Variants in FAM227B observed in about 807,000 individuals in gnomAD.
FAM227B encodes the protein family with sequence similarity 227 member B, also known as protein FAM227B.
FAM227B carries 88 observed loss-of-function variants against 73.8 expected under a neutral mutation model. The observed-to-expected ratio is 1.19, with a 90% CI of 1.00 to 1.42. The LOEUF is 1.42. FAM227B is among the 40% of genes most tolerant of loss of function. The pLI, the probability that FAM227B is intolerant of heterozygous loss-of-function variation, is 0.00. For missense variants in FAM227B, 632 were observed against 590.9 expected, an observed-to-expected ratio of 1.07 and a Z score of -0.72; for synonymous variants, 210 against 190.5, an observed-to-expected ratio of 1.10 and a Z score of -0.84.
intron 11 of FAM227B, among the ~76,000 whole-genome samples, chr15:49,371,727 A>G (rs181962658): frequency 6.7e-6 from 1 of 150,152 alleles, no homozygotes; most frequent in Non-Finnish European, 1.5e-5. Flanking sequence ...TTCACTTATA[A>G]ATAAATAATG....
At chr15:49,492,711 A>C (rs912868743) in intron 11 of FAM227B, among the ~76,000 whole-genome samples, 3 of 151,946 alleles carry the variant, frequency 2.0e-5, no homozygotes, top group African/African-American at 7.2e-5. Flanking sequence ...AGGTTAAATC[A>C]CAGGTGATAT....
Position 49,475,490 on chromosome 15 carries a change from T to G in FAM227B, c.1012+32721A>C, listed in dbSNP as rs2151982645. Among the ~76,000 whole-genome samples the G allele has an allele frequency of 2.0e-5, 3 of 152,290 alleles. No homozygotes were observed. In the East Asian group the frequency reaches 5.8e-4, roughly 29 times the overall value. Reference sequence around the variant, plus strand: ...GGAGCCTGTGAAAATTTCAAAGGCTTGCAAATGTATTTAAACTTTAATATT... The same window carrying G: ...GGAGCCTGTGAAAATTTCAAAGGCTGGCAAATGTATTTAAACTTTAATATT... On this transcript the variant is annotated intron_variant, in intron 11 of 15. Transcript: ENST00000299338.
chr15:49,361,112 C>T (rs2044149840), intron 13 of FAM227B, among the ~76,000 whole-genome samples: 1 of 152,114 alleles, frequency 6.6e-6, no homozygotes, highest in Non-Finnish European at 1.5e-5. Flanking sequence ...AATATGTTAG[C>T]TTGATTCAGT....
At chr15:49,371,683 A>C (rs1255811253) in intron 11 of FAM227B, among the ~76,000 whole-genome samples, 2 of 151,238 alleles carry the variant, frequency 1.3e-5, no homozygotes, top group Non-Finnish European at 3.0e-5. Flanking sequence ...TAAATAAATG[A>C]AATAAAATTC....
In FAM227B at chr15:49,570,171, T is replaced by C. The variant is rs541593710; in HGVS notation, c.646-1825A>G. The stretch of plus-strand genomic sequence containing the variant: ...ATCCAGAAGTGGGATTACTGGAGCA[T>C]GTGGTAGTTCTATTTTTAGTTTTTG... On this transcript the variant is annotated intron_variant, in intron 8 of 15. Coordinates refer to ENST00000299338, the MANE Select transcript of FAM227B (RefSeq NM_152647.3). Among the ~76,000 whole-genome samples, 9 of 152,148 alleles carry C rather than the reference T, an allele frequency of 5.9e-5. No homozygotes were observed. The East Asian group carries it at 1.7e-3, about 29-fold the overall frequency.
At chr15:49,533,627 C>T (rs374964934) in intron 10 of FAM227B, among the ~76,000 whole-genome samples, 1 of 151,546 alleles carries the variant, frequency 6.6e-6, no homozygotes, top group South Asian at 2.1e-4. Flanking sequence ...ATATGAATAA[C>T]CTCTTTGTCT....
intron 10 of FAM227B, among the ~76,000 whole-genome samples, chr15:49,526,233 T>C (rs1397219049): frequency 6.6e-6 from 1 of 152,020 alleles, no homozygotes; most frequent in East Asian, 1.9e-4. Flanking sequence ...AAATTAAAAA[T>C]CAATCCTAAA....
chr15:49,452,625 T>C (rs1267631439), intron 11 of FAM227B, among the ~76,000 whole-genome samples: 1 of 152,174 alleles, frequency 6.6e-6, no homozygotes, highest in Admixed American at 6.6e-5. Flanking sequence ...TTAGGAAATA[T>C]AATGAAGATA....
At chr15:49,423,002 A>C in intron 11 of FAM227B, 1 of 274,390 alleles carries the variant, frequency 3.6e-6, no homozygotes, top group South Asian at 6.7e-5. Flanking sequence ...GAAGGTTTAA[A>C]AAATTCCCTT....
rs183227154 is a variant in FAM227B, at chr15:49,396,968, C to T, written c.1013-25569G>A. ...TCCTCCTTCAAAGGAACGCAGTTCC[C>T]CACCAGCAACAGAACAAAGCTGGAT... On this transcript the variant is annotated intron_variant, in intron 11 of 15. Coordinates refer to ENST00000299338, the MANE Select transcript of FAM227B (RefSeq NM_152647.3). Among the ~76,000 whole-genome samples the T allele has an allele frequency of 8.7e-3, 1,323 of 152,222 alleles. 14 individuals carry two copies. Among genetic ancestry groups the T allele is most frequent in the African/African-American group, 0.026 (1,099 of 41,526 alleles).
rs777463180 is a variant in FAM227B at position 49,373,073 on chromosome 15, CAT to C, written c.1013-1676_1013-1675del. ...TCAATTTTGAAAATTCTTAAATACACATATAATACTTAATATATATGATATTA... is the reference window on the plus strand; with the variant it reads ...TCAATTTTGAAAATTCTTAAATACACATAATACTTAATATATATGATATTA... On this transcript the variant is annotated intron_variant, in intron 11 of 15. Transcript: ENST00000299338. Among the ~76,000 whole-genome samples, 34 of 151,846 alleles carry C rather than the reference CAT, an allele frequency of 2.2e-4. 1 individual carries two copies. The East Asian group carries it at 2.7e-3, about 12-fold the overall frequency.
chr15:49,516,909 G>A (rs2059414560), intron 10 of FAM227B, among the ~76,000 whole-genome samples: 1 of 152,114 alleles, frequency 6.6e-6, no homozygotes, highest in African/African-American at 2.4e-5. Context: ...AGCAGTCAGT[G>A]TCAAAGTGAT....
At chr15:49,429,464 CT>C (rs1481692832) in intron 11 of FAM227B, among the ~76,000 whole-genome samples, 1 of 151,932 alleles carries the variant, frequency 6.6e-6, no homozygotes, top group Non-Finnish European at 1.5e-5. Context: ...TCTCTTTTCT[CT>C]TTTGTAAATC....
chr15:49,449,722 T>G (rs1360950586), intron 11 of FAM227B, among the ~76,000 whole-genome samples: 1 of 152,092 alleles, frequency 6.6e-6, no homozygotes, highest in Non-Finnish European at 1.5e-5. Flanking sequence ...GCTTCTATAC[T>G]TGTGCAATTG....
intron 11 of FAM227B, among the ~76,000 whole-genome samples, chr15:49,506,838 G>T (rs1280570385): frequency 6.6e-6 from 1 of 151,712 alleles, no homozygotes; most frequent in Non-Finnish European, 1.5e-5. Context: ...TTGCTTATGT[G>T]AAAAAAGAAG....
At chr15:49,520,336 T>G (rs1487312696) in intron 10 of FAM227B, among the ~76,000 whole-genome samples, 4 of 152,132 alleles carry the variant, frequency 2.6e-5, no homozygotes, top group Non-Finnish European at 5.9e-5. Context: ...TTCCAAACTT[T>G]TCCACATGTT....
At chr15:49,345,948 A>T (rs1418904560) in intron 13 of FAM227B, among the ~76,000 whole-genome samples, 1 of 152,096 alleles carries the variant, frequency 6.6e-6, no homozygotes, top group African/African-American at 2.4e-5. Flanking sequence ...CCAGGGGCAA[A>T]TTTCGTACTT....
intron 11 of FAM227B, among the ~76,000 whole-genome samples, chr15:49,374,586 G>C (rs1017015580): frequency 2.6e-5 from 4 of 152,120 alleles, no homozygotes; most frequent in African/African-American, 9.7e-5. Flanking sequence ...ACTGAGTCTC[G>C]CTCTGTTGCC....
chr15:49,369,084 G>C (rs190099781), intron 12 of FAM227B, among the ~76,000 whole-genome samples: 1 of 151,950 alleles, frequency 6.6e-6, no homozygotes. Context: ...TCAGCCTTCC[G>C]AGTAGCTGGG....
Sources: gnomAD v4.1 joint callset for allele counts (sites outside exome capture counted in the v4.1 genomes callset) on GRCh38, gnomAD v4.1.1 for gene constraint, MANE v1.5 for transcripts, NCBI Gene and HGNC (gene_info 2026-07-23, HGNC 2026-07-21) for gene names.